The following BIVM variants were observed in gnomAD, a reference collection of about 807,000 sequenced individuals.
BIVM encodes basic, immunoglobulin-like variable motif containing.
Under a neutral mutation model 61.4 loss-of-function variants are expected in BIVM, and 31 were observed. The ratio of observed to expected loss-of-function variants is 0.51; its 90% confidence interval spans 0.38 to 0.68. The LOEUF is 0.68. Ranked by LOEUF, BIVM falls within the 30% of genes least tolerant of loss-of-function variation. BIVM has a pLI of 0.00. For missense variants in BIVM, 526 were observed against 596.0 expected, an observed-to-expected ratio of 0.88 and a Z score of 1.22; for synonymous variants, 189 against 210.7, an observed-to-expected ratio of 0.90 and a Z score of 0.89.
At chr13:102,839,025 T>C (rs746579248) in intron 10 of BIVM, among the ~76,000 whole-genome samples, 9 of 152,226 alleles carry the variant, frequency 5.9e-5, no homozygotes, top group Non-Finnish European at 1.3e-4. Flanking sequence ...GCTTTCCTTT[T>C]GTCTGATTAC....
At chr13:102,827,451 C>T (rs1309789060) in intron 7 of BIVM, among the ~76,000 whole-genome samples, 2 of 16,238 alleles carry the variant, frequency 1.2e-4, no homozygotes, top group Admixed American at 2.6e-3. Flanking sequence ...TTTATTCCTA[C>T]TTTCAATTTT....
intron 2 of BIVM, among the ~76,000 whole-genome samples, chr13:102,805,906 G>A (rs901183461): frequency 3.3e-5 from 5 of 152,114 alleles, no homozygotes; most frequent in African/African-American, 1.2e-4. Flanking sequence ...ACATTCCTCA[G>A]TTGGTGGACA....
chr13:102,803,681 G>A (rs1878885317), intron 1 of BIVM, among the ~76,000 whole-genome samples: 1 of 151,872 alleles, frequency 6.6e-6, no homozygotes, highest in Non-Finnish European at 1.5e-5. Context: ...AATAACCTTT[G>A]TCTATTGCCT....
chr13:102,801,209 T>C (rs1452624263), intron 1 of BIVM, among the ~76,000 whole-genome samples: 1 of 152,138 alleles, frequency 6.6e-6, no homozygotes, highest in Non-Finnish European at 1.5e-5. Context: ...AAGCTATTAG[T>C]TGAGCCTGAG....
At chr13:102,834,686 A>G in intron 9 of BIVM, 134 bp downstream of exon 9, 1 of 731,126 alleles carries the variant, frequency 1.4e-6, no homozygotes, top group Non-Finnish European at 2.0e-6. Context: ...AGGATATGGT[A>G]CACATTCATT....
At chr13:102,829,787 C>T (rs920231270) in intron 7 of BIVM, among the ~76,000 whole-genome samples, 10 of 151,798 alleles carry the variant, frequency 6.6e-5, no homozygotes, top group Non-Finnish European at 1.0e-4. Flanking sequence ...TGCAGTGAGC[C>T]GAGATCATGC....
chr13:102,823,965 G>A (rs564900901), intron 7 of BIVM, among the ~76,000 whole-genome samples: 4 of 152,004 alleles, frequency 2.6e-5, no homozygotes, highest in African/African-American at 7.3e-5. Context: ...AGGTGTCTTC[G>A]TGTGCCATGA....
intron 7 of BIVM, among the ~76,000 whole-genome samples, chr13:102,824,092 A>G (rs1264617675): frequency 6.6e-6 from 1 of 152,184 alleles, no homozygotes; most frequent in Non-Finnish European, 1.5e-5. Context: ...CAGTTATTAG[A>G]AGGTATAATA....
At chr13:102,827,307 T>C (rs887139935) in intron 7 of BIVM, among the ~76,000 whole-genome samples, 2 of 151,276 alleles carry the variant, frequency 1.3e-5, no homozygotes, top group African/African-American at 4.9e-5. Flanking sequence ...TTTGTTTAAA[T>C]TTCCTCCAGC....
chr13:102,819,889 C>A (rs942844651), intron 4 of BIVM, among the ~76,000 whole-genome samples: 1 of 152,036 alleles, frequency 6.6e-6, no homozygotes, highest in African/African-American at 2.4e-5. Flanking sequence ...ATTTTTAGAC[C>A]ACACTAAAGT....
chr13:102,839,449 G>A, intron 10 of BIVM, 123 bp from the exon 11 acceptor site: 1 of 1,314,200 alleles, frequency 7.6e-7, no homozygotes, highest in Non-Finnish European at 1.0e-6. Context: ...ATGATGCCTG[G>A]AAGGAAAGTA....
rs150501850 is a variant in BIVM at position 102,833,223 on chromosome 13, G to A, written c.1035-1243G>A. Reference sequence around the variant, plus strand: ...CACTCCAGCCTGGGCAACAGAGCGAGATCCTTTCTGTAAAAAAAGAAAGAA... The same window carrying A: ...CACTCCAGCCTGGGCAACAGAGCGAAATCCTTTCTGTAAAAAAAGAAAGAA... On this transcript the variant is annotated intron_variant, in intron 8 of 10. Coordinates refer to ENST00000257336, the MANE Select transcript of BIVM (RefSeq NM_017693.4). Among the ~76,000 whole-genome samples the A allele has an allele frequency of 2.0e-5, 3 of 151,434 alleles. No homozygotes were observed. In the East Asian group the frequency reaches 5.8e-4, roughly 29 times the overall value.
chr13:102,804,568 C>T (rs1407686894), intron 1 of BIVM, among the ~76,000 whole-genome samples: 3 of 152,162 alleles, frequency 2.0e-5, no homozygotes, highest in Non-Finnish European at 4.4e-5. Flanking sequence ...GCCTCGGCCT[C>T]CTACAGTGCT....
At chr13:102,821,661 C>T (rs1045233617) in intron 5 of BIVM, 82 bp from the exon 6 acceptor site, 2 of 1,166,740 alleles carry the variant, frequency 1.7e-6, no homozygotes, top group Non-Finnish European at 1.2e-6. Context: ...GCAAATCAGA[C>T]AAGCATATTA....
chr13:102,803,979 A>AG (rs1595327665), intron 1 of BIVM, among the ~76,000 whole-genome samples: 1 of 152,334 alleles, frequency 6.6e-6, no homozygotes, highest in South Asian at 2.1e-4. Context: ...CTTCCACTTG[A>AG]GGACCCACTA....
intron 3 of BIVM, among the ~76,000 whole-genome samples, chr13:102,809,848 C>G (rs925953368): frequency 6.6e-6 from 1 of 150,386 alleles, no homozygotes; most frequent in Non-Finnish European, 1.5e-5. Context: ...TGCAGTGGCG[C>G]GATCTCGGCT....
At chr13:102,815,070 A>C (rs1282008098) in intron 3 of BIVM, among the ~76,000 whole-genome samples, 16 of 151,576 alleles carry the variant, frequency 1.1e-4, no homozygotes, top group Admixed American at 1.1e-3. Context: ...CAAACAAACA[A>C]AAAGAATAAT....
chr13:102,816,759 G>A lies in BIVM; in HGVS notation c.605+205G>A, dbSNP rs1454920168. ...GTTATGCTGGTCTTTCCCAAACTCGGCTTATTATTAGAGTCATCTGTGTGA... is the reference window on the plus strand; with the variant it reads ...GTTATGCTGGTCTTTCCCAAACTCGACTTATTATTAGAGTCATCTGTGTGA... On this transcript the variant is annotated intron_variant, in intron 4 of 10. Coordinates refer to ENST00000257336, the MANE Select transcript of BIVM (RefSeq NM_017693.4). The A allele has an allele frequency of 3.3e-5, 12 of 368,998 alleles. No homozygotes were observed. The East Asian group carries it at 6.7e-4, about 21-fold the overall frequency. The allele number at this position is 368,998 out of a possible 1,614,324, so 22.9% of individuals were successfully genotyped here. A position where few individuals can be genotyped will look rare whatever the true frequency, so the allele number is the denominator to read the frequency against.
chr13:102,838,277 G>T (rs1404832860), intron 9 of BIVM, among the ~76,000 whole-genome samples: 1 of 152,170 alleles, frequency 6.6e-6, no homozygotes, highest in East Asian at 1.9e-4. Flanking sequence ...GCACAATTGT[G>T]TTGTCTCCTA....
Sources: gnomAD v4.1 joint callset for allele counts (sites outside exome capture counted in the v4.1 genomes callset) on GRCh38, gnomAD v4.1.1 for gene constraint, MANE v1.5 for transcripts, NCBI Gene and HGNC (gene_info 2026-07-23, HGNC 2026-07-21) for gene names.